The following NUMB variants were observed in gnomAD, a reference collection of about 807,000 sequenced individuals.
NUMB encodes the protein protein numb homolog.
NUMB carries 29 observed loss-of-function variants against 59.7 expected under a neutral mutation model. The ratio of observed to expected loss-of-function variants is 0.49; its 90% CI spans 0.36 to 0.66. NUMB has a LOEUF of 0.66. Ranked by LOEUF, NUMB falls within the 30% of genes least tolerant of loss-of-function variation. The pLI is 0.00. For synonymous variants in NUMB, 288 were observed against 288.2 expected (o/e 1.00, Z 0.01); for missense variants, 723 against 822.0 (o/e 0.88, Z 1.47).
intron 1 of NUMB, chr14:73,457,999 C>G (rs1048586468): frequency 6.5e-6 from 1 of 152,894 alleles, no homozygotes; most frequent in Non-Finnish European, 1.5e-5. Flanking sequence ...TTCCCCTGCC[C>G]CCCACCCCGC....
At chr14:73,430,644 CAAA>C (rs921614307) in intron 1 of NUMB, among the ~76,000 whole-genome samples, 2 of 150,024 alleles carry the variant, frequency 1.3e-5, no homozygotes, top group African/African-American at 4.9e-5. Context: ...TCAAAACAAA[CAAA>C]AAAAAGTTTT....
At chr14:73,358,493 T>A (rs938831506) in intron 3 of NUMB, among the ~76,000 whole-genome samples, 1 of 152,142 alleles carries the variant, frequency 6.6e-6, no homozygotes, top group Non-Finnish European at 1.5e-5. Flanking sequence ...CCTCTGTATA[T>A]GTTCCTCCCT....
At chr14:73,313,063 T>G (rs1471783976) in intron 6 of NUMB, among the ~76,000 whole-genome samples, 1 of 151,818 alleles carries the variant, frequency 6.6e-6, no homozygotes, top group Non-Finnish European at 1.5e-5. Flanking sequence ...CTAGGCTCAC[T>G]GCAACCTCCA....
At chr14:73,285,053 G>A (rs1245902557) in intron 9 of NUMB, 1 of 152,080 alleles carries the variant, frequency 6.6e-6, no homozygotes, top group African/African-American at 2.4e-5. Flanking sequence ...TACCATTGTT[G>A]GCCAGGCTGG....
rs182528133 is a variant in NUMB, at chr14:73,408,109, C to T, written c.-101+1828G>A. Among the ~76,000 whole-genome samples the T allele has an allele frequency of 1.2e-3, 176 of 152,154 alleles. 2 individuals are homozygous for T. The highest frequency in any genetic ancestry group is 4.1e-3 in the African/African-American group (170 of 41,490). ...GGGCATAGTGGCACATGCCTGTAGT[C>T]CCAGCTACTCGGGAGGCTGAGGCAG... On this transcript the variant is annotated intron_variant, in intron 2 of 12. Transcript: ENST00000555238.
intron 1 of NUMB, among the ~76,000 whole-genome samples, chr14:73,435,176 A>C (rs1897997095): frequency 6.6e-6 from 1 of 152,152 alleles, no homozygotes; most frequent in Non-Finnish European, 1.5e-5. Context: ...AGGTAGTGGC[A>C]AGGATGTGGA....
intron 2 of NUMB, among the ~76,000 whole-genome samples, chr14:73,386,492 T>C (rs1452382565): frequency 1.3e-5 from 2 of 152,240 alleles, no homozygotes; most frequent in Non-Finnish European, 2.9e-5. Flanking sequence ...TAGGTCAGTT[T>C]TCTGCTCTAG....
chr14:73,277,210 G>A lies in NUMB; in HGVS notation c.1324C>T (p.Arg442Ter). Residue 442 changes from arginine to a stop codon, truncating the protein, a stop_gained, in exon 13 of 13, where the codon CGA (arginine) becomes TGA (stop). Transcript: ENST00000555238. LOFTEE classifies it high-confidence loss of function. Reference protein sequence around the residue: ...GHRRTPSEADRWLEEVSKSVR... With the variant: ...GHRRTPSEAD ...CTCTTAGACACCTCTTCTAACCATC[G>A]GTCGGCCTCAGAGGGAGTACGTCTA... 1.9e-6 allele frequency: 3 copies of A among 1,614,054 alleles called. No individual in the cohort carries two copies. Among genetic ancestry groups the A allele is most frequent in the Non-Finnish European group, 1.7e-6 (2 of 1,180,014 alleles).
rs1223731400 is a variant in NUMB at position 73,313,112 on chromosome 14, G to A, written c.234+3278C>T. 2.0e-5 allele frequency among the ~76,000 whole-genome samples: 3 copies of A among 151,618 alleles called. 1 individual carries two copies. The South Asian group carries it at 6.3e-4, about 32-fold the overall frequency. ...AGCAATTCTCCTGCCTCAGCCTCCT[G>A]AGTAGCTGGGACTACAGGTGTGTGC... is the stretch of plus-strand genomic sequence containing the variant. On this transcript the variant is annotated intron_variant, in intron 6 of 12. Transcript: ENST00000555238.
intron 2 of NUMB, among the ~76,000 whole-genome samples, chr14:73,376,577 C>T (rs1337276909): frequency 6.6e-6 from 1 of 150,774 alleles, no homozygotes; most frequent in Admixed American, 6.6e-5. Context: ...TAAAGAGAAG[C>T]AAAAGACCCA....
At chr14:73,356,562 G>A (rs955122052) in intron 3 of NUMB, among the ~76,000 whole-genome samples, 3 of 152,156 alleles carry the variant, frequency 2.0e-5, no homozygotes, top group Admixed American at 2.0e-4. Context: ...AGAATCACTT[G>A]AACTCAAGAG....
intron 5 of NUMB, 65 bp downstream of exon 5, chr14:73,323,065 A>G: frequency 7.7e-7 from 1 of 1,290,678 alleles, no homozygotes. Context: ...AAATGTACTG[A>G]GCAAAATCTT....
At chr14:73,421,183 TTTGTTTG>T (rs1897331868) in intron 1 of NUMB, among the ~76,000 whole-genome samples, 1 of 151,666 alleles carries the variant, frequency 6.6e-6, no homozygotes, top group Non-Finnish European at 1.5e-5. Context: ...GGTGTTTTTG[TTTGTTTG>T]TTTGTTTGTT....
chr14:73,330,243 G>A (rs1407734142), intron 4 of NUMB, among the ~76,000 whole-genome samples: 1 of 152,036 alleles, frequency 6.6e-6, no homozygotes, highest in African/African-American at 2.4e-5. Flanking sequence ...TGTTGCCCGG[G>A]CTGGTCTCAA....
chr14:73,456,770 G>A (rs1324939168), intron 1 of NUMB, among the ~76,000 whole-genome samples: 1 of 152,100 alleles, frequency 6.6e-6, no homozygotes, highest in Non-Finnish European at 1.5e-5. Flanking sequence ...TAAAGTAAGT[G>A]GTTCTTAAAG....
At chr14:73,311,212 C>T (rs770458643) in intron 6 of NUMB, among the ~76,000 whole-genome samples, 23 of 151,964 alleles carry the variant, frequency 1.5e-4, no homozygotes, top group Non-Finnish European at 2.8e-4. Flanking sequence ...CCTGCCATCA[C>T]GCCTGGCTAA....
At chr14:73,456,569 T>C (rs1469496467) in intron 1 of NUMB, among the ~76,000 whole-genome samples, 1 of 152,270 alleles carries the variant, frequency 6.6e-6, no homozygotes, top group African/African-American at 2.4e-5. Flanking sequence ...TATTCTGTTC[T>C]ACATTTTATT....
chr14:73,350,070 T>TACACACACACACACACACACACACACAC lies in NUMB; in HGVS notation c.126+5555_126+5556insGTGTGTGTGTGTGTGTGTGTGTGTGTGT, dbSNP rs765736029. 1.2e-4 allele frequency among the ~76,000 whole-genome samples: 13 copies of TACACACACACACACACACACACACACAC among 110,198 alleles called. No homozygotes were observed. In the South Asian group the frequency reaches 1.4e-3, roughly 11 times the overall value. 72.3% of individuals were successfully genotyped at this position (110,198 alleles called of 152,430 possible). A position where few individuals can be genotyped will look rare whatever the true frequency, so the allele number is the denominator to read the frequency against. ...ATACATACATACATATATACATACA[T>TACACACACACACACACACACACACACAC]ACATACATACACACACACACACACA... On this transcript the variant is annotated intron_variant, in intron 4 of 12. Transcript: ENST00000555238.
At chr14:73,366,188 T>A (rs74064617) in intron 3 of NUMB, among the ~76,000 whole-genome samples, 7,836 of 152,222 alleles carry the variant, frequency 0.051, 653 homozygotes, top group African/African-American at 0.18. Flanking sequence ...CTTCTAGTGG[T>A]CCTATGTATG....
Sources: allele counts gnomAD v4.1 joint callset (sites outside exome capture counted in the v4.1 genomes callset), GRCh38; gene constraint gnomAD v4.1.1; transcripts MANE v1.5; gene names NCBI Gene and HGNC (gene_info 2026-07-23, HGNC 2026-07-21).